Variants in NECTIN1 observed in about 807,000 individuals in gnomAD.
NECTIN1 encodes nectin-1.
A neutral mutation model predicts 48.0 loss-of-function variants in NECTIN1; 23 were observed. The ratio of observed to expected loss-of-function variants is 0.48; its 90% CI spans 0.34 to 0.68. NECTIN1 has a LOEUF of 0.68. Ranked by LOEUF, NECTIN1 falls within the 30% of genes least tolerant of loss-of-function variation. NECTIN1 has a pLI of 0.01. For synonymous variants in NECTIN1, 270 were observed against 288.9 expected (o/e 0.93, Z 0.66); for missense variants, 591 against 709.9 (o/e 0.83, Z 1.90).
chr11:119,655,535 G>C (rs1227294346), intron 5 of NECTIN1, among the ~76,000 whole-genome samples: 1 of 152,166 alleles, frequency 6.6e-6, no homozygotes, highest in East Asian at 1.9e-4. Flanking sequence ...CTTGAAACCA[G>C]GTTTGCCCGA....
chr11:119,693,219 G>C (rs1865290517), intron 1 of NECTIN1, among the ~76,000 whole-genome samples: 1 of 152,186 alleles, frequency 6.6e-6, no homozygotes, highest in East Asian at 1.9e-4. Context: ...CTCGGGGTGT[G>C]TGTCTCTCTC....
At chr11:119,670,801 C>T (rs1422941775) in intron 5 of NECTIN1, among the ~76,000 whole-genome samples, 2 of 152,164 alleles carry the variant, frequency 1.3e-5, no homozygotes, top group East Asian at 3.9e-4. Context: ...CACGCACTGC[C>T]ACACCCGGCT....
intron 1 of NECTIN1, among the ~76,000 whole-genome samples, chr11:119,725,655 C>G (rs950245279): frequency 2.6e-5 from 4 of 152,182 alleles, no homozygotes; most frequent in Non-Finnish European, 5.9e-5. Context: ...CCCAATAGCC[C>G]CGACACTTGG....
Position 119,662,759 on chromosome 11 carries a change from A to C in NECTIN1, c.*1988T>G. 2 of 986,488 alleles carry C rather than the reference A, an allele frequency of 2.0e-6. No individual in the cohort carries two copies. The highest frequency in any genetic ancestry group is 3.5e-5 in the African/African-American group (2 of 57,306). The allele number at this position is 986,488 out of a possible 1,614,324, so 61.1% of individuals were successfully genotyped here. A position where few individuals can be genotyped will look rare whatever the true frequency, so the allele number is the denominator to read the frequency against. ...CTAATACTGCTGGGAAAAGCAGCCCAGCTCCTCCACCTCCCTCTGCCCTGT... is the reference window on the plus strand; with the variant it reads ...CTAATACTGCTGGGAAAAGCAGCCCCGCTCCTCCACCTCCCTCTGCCCTGT... On this transcript the variant is annotated 3_prime_UTR_variant, in exon 6 of 6. Transcript: ENST00000264025. The surrounding 1 kb of genome is among the most constrained non-coding windows in gnomAD (Gnocchi z 5.3).
chr11:119,675,233 A>C lies in NECTIN1; in HGVS notation c.929T>G (p.Leu310Arg). 6.2e-7 allele frequency: 1 copy of C among 1,614,140 alleles called. No individual in the cohort carries two copies. The highest frequency in any genetic ancestry group is 1.7e-5 in the Admixed American group (1 of 60,012). ...LFFKGPINYS[L>R]AGTYICEATN... ...GGCCTCACAGATGTAGGTCCCTGCC[A>C]GGCTGTAGTTGATGGGTCCCTTGAA... The change falls in exon 5 of 6, where the codon CTG (leucine) becomes CGG (arginine). Residue 310 changes from leucine to arginine, a missense_variant. Transcript: ENST00000264025.
exon 6 of NECTIN1, chr11:119,639,877 G>T (rs545782858): frequency 6.2e-7 from 1 of 1,614,140 alleles, no homozygotes; most frequent in Non-Finnish European, 8.5e-7. Context: ...GGCCCCATCC[G>T]TCTCCGGTGG....
intron 5 of NECTIN1, chr11:119,674,574 C>T (rs554689496): frequency 4.3e-6 from 7 of 1,614,216 alleles, no homozygotes; most frequent in South Asian, 3.3e-5. Flanking sequence ...CCTTTCACGT[C>T]CCAGGTGAAG....
At position 119,683,736 on chromosome 11, in the gene NECTIN1, G is replaced by T. The variant is rs545195708; in HGVS notation, c.80-4971C>A. On this transcript the variant is annotated intron_variant, in intron 1 of 5. Transcript: ENST00000264025. The surrounding 1 kb of genome is among the most constrained non-coding windows in gnomAD (Gnocchi z 4.0). ...CTCTTGCATCCCACAGATATCAAAA[G>T]AATCAGTCTTTTTTTTTTTCCTGAA... Among the ~76,000 whole-genome samples, 93 of 152,016 alleles carry T rather than the reference G, an allele frequency of 6.1e-4. No individual in the cohort carries two copies. The highest frequency in any genetic ancestry group is 2.0e-3 in the African/African-American group (84 of 41,450).
At chr11:119,652,641 T>C (rs1238370109) in intron 5 of NECTIN1, among the ~76,000 whole-genome samples, 1 of 152,196 alleles carries the variant, frequency 6.6e-6, no homozygotes, top group Non-Finnish European at 1.5e-5. Flanking sequence ...CATACCACTA[T>C]GCCCTTGCCA....
chr11:119,659,577 AAGACTAAG>A (rs1305716531), downstream of NECTIN1, among the ~76,000 whole-genome samples: 1 of 152,140 alleles, frequency 6.6e-6, no homozygotes, highest in Non-Finnish European at 1.5e-5. Flanking sequence ...ACTGGACTAG[AAGACTAAG>A]AGTATGCCCT....
intron 5 of NECTIN1, chr11:119,642,114 C>T (rs1022320141): frequency 6.6e-6 from 1 of 152,204 alleles, no homozygotes; most frequent in East Asian, 1.9e-4. Flanking sequence ...CAGAAGTGCT[C>T]AGTAAGTGTG....
At chr11:119,695,855 T>C (rs1416272935) in intron 1 of NECTIN1, among the ~76,000 whole-genome samples, 1 of 152,190 alleles carries the variant, frequency 6.6e-6, no homozygotes, top group East Asian at 1.9e-4. Flanking sequence ...TCCAGCCCCC[T>C]TTACCAGGAG....
At chr11:119,676,365 G>A (rs1405308348) in intron 4 of NECTIN1, among the ~76,000 whole-genome samples, 1 of 152,202 alleles carries the variant, frequency 6.6e-6, no homozygotes, top group East Asian at 1.9e-4. Flanking sequence ...CCAGGAAGTG[G>A]AGGATCATAG....
At position 119,638,731 on chromosome 11, in the gene NECTIN1, C is replaced by T. The variant is rs148089030; in HGVS notation, c.1227G>A (p.Gln409=). The T allele has an allele frequency of 1.3e-4, 204 of 1,613,698 alleles. 1 individual carries two copies. The African/African-American group carries it at 2.1e-3, about 17-fold the overall frequency. The change falls in exon 7 of 8, where the codon CAG becomes CAA. Residue 409 remains glutamine, a splice_region_variant and synonymous_variant. Coordinates refer to the NECTIN1 transcript ENST00000341398. ...TTGTCCTCTGCTGCCTCAGGCCCAC[C>T]TGGATATCCTCAGGCACAAGGGAGC...
At chr11:119,649,317 G>A (rs1170164594) in intron 5 of NECTIN1, among the ~76,000 whole-genome samples, 2 of 151,800 alleles carry the variant, frequency 1.3e-5, no homozygotes, top group Non-Finnish European at 2.9e-5. Context: ...GGAGGCAGAG[G>A]TTGCAGTGAG....
intron 5 of NECTIN1, among the ~76,000 whole-genome samples, chr11:119,648,358 A>ATGGTGG (rs1565376729): frequency 1.6e-3 from 2 of 1,274 alleles, no homozygotes; most frequent in Non-Finnish European, 3.4e-3. Context: ...GGTGGTGGTG[A>ATGGTGG]TGCTGGTGAT....
chr11:119,648,241 G>A (rs1340661131), intron 5 of NECTIN1, among the ~76,000 whole-genome samples: 3 of 106,062 alleles, frequency 2.8e-5, no homozygotes, highest in Non-Finnish European at 4.0e-5. Context: ...GGTGGTGATA[G>A]TGGTGGTGAT....
chr11:119,693,142 C>T (rs968115438), intron 1 of NECTIN1, among the ~76,000 whole-genome samples: 1 of 152,196 alleles, frequency 6.6e-6, no homozygotes. Context: ...CCCCATTCTT[C>T]CCCTGTTCCT....
At chr11:119,658,312 G>A (rs1591444373), downstream of NECTIN1, among the ~76,000 whole-genome samples, 1 of 152,162 alleles carries the variant, frequency 6.6e-6, no homozygotes, top group African/African-American at 2.4e-5. Context: ...TAGTTCTGGG[G>A]ATGGGGAGTG....
Sources: gnomAD v4.1 joint callset for allele counts (sites outside exome capture counted in the v4.1 genomes callset) on GRCh38, gnomAD v4.1.1 for gene constraint, Gnocchi (gnomAD v3.1) non-coding constraint, MANE v1.5 for transcripts, NCBI Gene and HGNC (gene_info 2026-07-23, HGNC 2026-07-21) for gene names.